Variants in LRRC4C observed in about 807,000 individuals in gnomAD.
LRRC4C encodes the protein leucine-rich repeat-containing protein 4C.
A neutral mutation model predicts 33.6 loss-of-function variants in LRRC4C; 5 were observed. The ratio of observed to expected loss-of-function variants is 0.15; its 90% CI spans 0.08 to 0.31. LRRC4C has a LOEUF of 0.31. Among genes scored for constraint, LRRC4C ranks in the 10% least tolerant of loss-of-function variants. LRRC4C has a pLI of 1.00. For synonymous variants in LRRC4C, 329 were observed against 302.0 expected (o/e 1.09, Z -0.93); for missense variants, 560 against 796.7 (o/e 0.70, Z 3.58).
chr11:40,332,166 C>CAATTT (rs1322280449), intron 3 of LRRC4C, among the ~76,000 whole-genome samples: 6 of 152,162 alleles, frequency 3.9e-5, no homozygotes, highest in Admixed American at 1.3e-4. Context: ...AAAACAGCAG[C>CAATTT]AATTTATTCT....
chr11:40,384,853 A>C (rs1949042390), intron 3 of LRRC4C, among the ~76,000 whole-genome samples: 1 of 152,098 alleles, frequency 6.6e-6, no homozygotes, highest in Non-Finnish European at 1.5e-5. Context: ...TACCTTCTAG[A>C]TTCCTACTGG....
chr11:41,191,319 T>G (rs1945935387), intron 1 of LRRC4C, among the ~76,000 whole-genome samples: 1 of 152,178 alleles, frequency 6.6e-6, no homozygotes, highest in East Asian at 1.9e-4. Flanking sequence ...CTACTTTATT[T>G]ATGCCATGCA....
At chr11:40,260,542 C>G (rs529552389) in intron 4 of LRRC4C, among the ~76,000 whole-genome samples, 1 of 149,168 alleles carries the variant, frequency 6.7e-6, no homozygotes, top group Non-Finnish European at 1.5e-5. Context: ...TACCCTAAAA[C>G]TTAAAGTAAA....
chr11:41,353,187 T>C (rs2137588819), intron 1 of LRRC4C, among the ~76,000 whole-genome samples: 2 of 151,780 alleles, frequency 1.3e-5, no homozygotes, highest in East Asian at 3.9e-4. Flanking sequence ...AATGACAAAA[T>C]TACATTACCA....
intron 3 of LRRC4C, among the ~76,000 whole-genome samples, chr11:40,501,148 T>C (rs971675952): frequency 3.3e-5 from 5 of 152,026 alleles, no homozygotes; most frequent in African/African-American, 4.8e-5. Context: ...AGGGGGTGGG[T>C]TCCCATGGAA....
chr11:40,480,476 C>T lies in LRRC4C; in HGVS notation c.-269-160755G>A, dbSNP rs555993201. ...AGGGAACAACTAACACCAGGGCATACTTGAAGGTAGAGGAGGGTGGGGATC... is the reference window on the plus strand; with the variant it reads ...AGGGAACAACTAACACCAGGGCATATTTGAAGGTAGAGGAGGGTGGGGATC... On this transcript the variant is annotated intron_variant, in intron 3 of 6. Transcript: ENST00000528697. Among the ~76,000 whole-genome samples, 4 of 152,082 alleles carry T rather than the reference C, an allele frequency of 2.6e-5. No individual in the cohort carries two copies. The East Asian group carries it at 7.7e-4, about 29-fold the overall frequency.
intron 2 of LRRC4C, among the ~76,000 whole-genome samples, chr11:40,931,095 G>A (rs1957600002): frequency 6.6e-6 from 1 of 152,116 alleles, no homozygotes; most frequent in Admixed American, 6.6e-5. Flanking sequence ...TAGAATCTCA[G>A]ACCTGGGGCA....
At chr11:40,127,614 G>C (rs1856350025) in intron 6 of LRRC4C, among the ~76,000 whole-genome samples, 1 of 152,164 alleles carries the variant, frequency 6.6e-6, no homozygotes, top group African/African-American at 2.4e-5. Context: ...GTCCCTAAAG[G>C]AAATTGCAGA....
At chr11:41,093,943 AAAAAAAAC>A (rs1940619677) in intron 1 of LRRC4C, among the ~76,000 whole-genome samples, 1 of 149,634 alleles carries the variant, frequency 6.7e-6, no homozygotes, top group Non-Finnish European at 1.5e-5. Flanking sequence ...AAAAAAAAAA[AAAAAAAAC>A]ACACAAAAAT....
At chr11:40,387,298 A>T (rs150907727) in intron 3 of LRRC4C, among the ~76,000 whole-genome samples, 1 of 152,286 alleles carries the variant, frequency 6.6e-6, no homozygotes, top group East Asian at 1.9e-4. Flanking sequence ...CAATAACATT[A>T]TCCTTATTTC....
intron 1 of LRRC4C, among the ~76,000 whole-genome samples, chr11:41,023,846 A>C (rs1286579007): frequency 6.6e-6 from 1 of 151,792 alleles, no homozygotes; most frequent in Non-Finnish European, 1.5e-5. Flanking sequence ...GCAGAAAAAA[A>C]CAAAAGTTGG....
chr11:40,988,089 G>C (rs1853202999), intron 1 of LRRC4C, among the ~76,000 whole-genome samples: 1 of 152,082 alleles, frequency 6.6e-6, no homozygotes, highest in South Asian at 2.1e-4. Flanking sequence ...TTCCTCTATA[G>C]ATATACTGGC....
At chr11:41,434,308 CTCT>C (rs1312462448) in intron 1 of LRRC4C, among the ~76,000 whole-genome samples, 1 of 152,030 alleles carries the variant, frequency 6.6e-6, no homozygotes. Flanking sequence ...ATCTGGGAAT[CTCT>C]TTTTTTAATA....
At chr11:40,229,057 G>A (rs770758113) in intron 5 of LRRC4C, among the ~76,000 whole-genome samples, 3 of 152,276 alleles carry the variant, frequency 2.0e-5, no homozygotes, top group East Asian at 1.9e-4. Context: ...GGAAAAAGCA[G>A]TCACTTGGGA....
intron 1 of LRRC4C, among the ~76,000 whole-genome samples, chr11:41,154,240 C>T (rs1235354474): frequency 6.6e-6 from 1 of 152,134 alleles, no homozygotes; most frequent in Non-Finnish European, 1.5e-5. Context: ...TTATTGGATA[C>T]TACTCACTGT....
chr11:40,844,985 T>G (rs1953089526), intron 2 of LRRC4C, among the ~76,000 whole-genome samples: 1 of 152,086 alleles, frequency 6.6e-6, no homozygotes, highest in East Asian at 1.9e-4. Context: ...AGCTAGGGTT[T>G]CTTTTGTTTT....
intron 1 of LRRC4C, among the ~76,000 whole-genome samples, chr11:41,324,214 T>A (rs1951040321): frequency 6.6e-6 from 1 of 152,140 alleles, no homozygotes; most frequent in Non-Finnish European, 1.5e-5. Context: ...GAGGATCACC[T>A]GAGGTCAGGA....
At chr11:40,679,353 A>C (rs1170668561) in intron 2 of LRRC4C, among the ~76,000 whole-genome samples, 2 of 152,220 alleles carry the variant, frequency 1.3e-5, no homozygotes, top group African/African-American at 4.8e-5. Flanking sequence ...TTCTCTGAGG[A>C]GAAATTCAAG....
intron 3 of LRRC4C, among the ~76,000 whole-genome samples, chr11:40,395,755 G>A (rs1334345508): frequency 6.6e-6 from 1 of 152,172 alleles, no homozygotes; most frequent in Non-Finnish European, 1.5e-5. Flanking sequence ...GGGAGGCTGA[G>A]GCGGTCAGAT....
Sources: allele counts gnomAD v4.1 joint callset (sites outside exome capture counted in the v4.1 genomes callset), GRCh38; gene constraint gnomAD v4.1.1; transcripts MANE v1.5; gene names NCBI Gene and HGNC (gene_info 2026-07-23, HGNC 2026-07-21).